CHRM3: variants seen among roughly 807,000 people sequenced by gnomAD.
CHRM3 encodes the protein muscarinic acetylcholine receptor M3.
CHRM3 carries 11 observed loss-of-function variants against 41.8 expected under a neutral mutation model. The ratio of observed to expected loss-of-function variants is 0.26; its 90% CI spans 0.17 to 0.44. The LOEUF is 0.44. CHRM3 is among the 20% of genes least tolerant of loss of function. CHRM3 has a pLI of 1.00. For missense variants in CHRM3, 571 were observed against 745.4 expected, an observed-to-expected ratio of 0.77 and a Z score of 2.72; for synonymous variants, 297 against 301.4, an observed-to-expected ratio of 0.99 and a Z score of 0.15.
At chr1:239,448,464 A>G (rs1038372417) in intron 1 of CHRM3, among the ~76,000 whole-genome samples, 3 of 152,170 alleles carry the variant, frequency 2.0e-5, no homozygotes, top group African/African-American at 7.2e-5. Flanking sequence ...TTTCAGATTT[A>G]ATGAATTATT....
intron 1 of CHRM3, among the ~76,000 whole-genome samples, chr1:239,472,157 T>C (rs1666173401): frequency 6.6e-6 from 1 of 152,200 alleles, no homozygotes; most frequent in Admixed American, 6.5e-5. Flanking sequence ...GAAGATAGCT[T>C]GTTACATATC....
chr1:239,838,434 G>T, intron 6 of CHRM3, among the ~76,000 whole-genome samples: 1 of 152,100 alleles, frequency 6.6e-6, no homozygotes, highest in East Asian at 1.9e-4. Context: ...ATATATAGGT[G>T]TCTTGGTGGC....
rs1402103669 is a variant in CHRM3 at position 239,912,455 on chromosome 1, C to G, written c.*3231C>G. 1 of 167,122 alleles carries G rather than the reference C, an allele frequency of 6.0e-6. No homozygotes were observed. The highest frequency in any genetic ancestry group is 2.4e-5 in the African/African-American group (1 of 41,452). The allele number at this position is 167,122 out of a possible 1,614,324, so 10.4% of individuals were successfully genotyped here. ...GACGGAATGAAAACAAACAAGAAGC[C>G]TAAGCGTTAGACCCTGCTGTGGCTA... On this transcript the variant is annotated 3_prime_UTR_variant, in exon 7 of 7. Transcript: ENST00000676153.
chr1:239,494,966 A>G (rs1667788979), intron 2 of CHRM3, among the ~76,000 whole-genome samples: 1 of 152,134 alleles, frequency 6.6e-6, no homozygotes, highest in African/African-American at 2.4e-5. Flanking sequence ...TAAGAAAAAA[A>G]TGATATATTT....
chr1:239,411,947 TAGC>T (rs1661106171), intron 1 of CHRM3, among the ~76,000 whole-genome samples: 2 of 151,960 alleles, frequency 1.3e-5, no homozygotes, highest in South Asian at 4.1e-4. Flanking sequence ...TATTTCTAAA[TAGC>T]AGGCATAGAC....
intron 4 of CHRM3, among the ~76,000 whole-genome samples, chr1:239,654,981 T>G (rs1672586553): frequency 6.6e-6 from 1 of 152,302 alleles, no homozygotes; most frequent in South Asian, 2.1e-4. Context: ...AAAATAAAAA[T>G]AATTCATCTG....
chr1:239,812,817 G>A (rs1671219888), intron 5 of CHRM3, among the ~76,000 whole-genome samples: 1 of 152,176 alleles, frequency 6.6e-6, no homozygotes, highest in Non-Finnish European at 1.5e-5. Context: ...TACTGATGAG[G>A]CACAAGGCTC....
chr1:239,884,497 C>A (rs890199873), intron 6 of CHRM3, among the ~76,000 whole-genome samples: 2 of 152,158 alleles, frequency 1.3e-5, no homozygotes, highest in African/African-American at 4.8e-5. Context: ...TGTTTTAAAC[C>A]ATTCAGATTG....
intron 3 of CHRM3, among the ~76,000 whole-genome samples, chr1:239,630,165 GAT>G (rs1454458301): frequency 6.6e-6 from 1 of 152,118 alleles, no homozygotes. Flanking sequence ...ACAAGATATT[GAT>G]ATTAGTAGAC....
intron 3 of CHRM3, among the ~76,000 whole-genome samples, chr1:239,567,033 T>C (rs752733908): frequency 2.6e-5 from 4 of 152,224 alleles, no homozygotes; most frequent in Non-Finnish European, 4.4e-5. Context: ...GGAGCAATCA[T>C]AGATTTTATA....
chr1:239,591,381 C>T (rs919698114), intron 3 of CHRM3, among the ~76,000 whole-genome samples: 2 of 152,092 alleles, frequency 1.3e-5, no homozygotes, highest in African/African-American at 4.8e-5. Context: ...CATTTCCTGG[C>T]ACAGAGACAG....
chr1:239,856,690 T>C (rs1675152697), intron 6 of CHRM3, among the ~76,000 whole-genome samples: 1 of 152,026 alleles, frequency 6.6e-6, no homozygotes, highest in African/African-American at 2.4e-5. Flanking sequence ...TTACAGACCA[T>C]GAAAGGGAGG....
chr1:239,875,567 T>A (rs1677046162), intron 6 of CHRM3, among the ~76,000 whole-genome samples: 1 of 152,234 alleles, frequency 6.6e-6, no homozygotes, highest in Non-Finnish European at 1.5e-5. Flanking sequence ...CATAGCCAGA[T>A]TTGCTCCAAG....
At chr1:239,881,241 C>CA (rs1344555695) in intron 6 of CHRM3, among the ~76,000 whole-genome samples, 23 of 133,990 alleles carry the variant, frequency 1.7e-4, no homozygotes, top group Non-Finnish European at 2.5e-4. Context: ...CGAGATCCCG[C>CA]CCCTGCACTC....
intron 4 of CHRM3, among the ~76,000 whole-genome samples, chr1:239,664,099 T>G (rs1673525896): frequency 6.6e-6 from 1 of 152,232 alleles, no homozygotes; most frequent in Non-Finnish European, 1.5e-5. Context: ...AAATTCTATT[T>G]TAGTCTTTGT....
chr1:239,744,105 C>T (rs1161405632), intron 5 of CHRM3, among the ~76,000 whole-genome samples: 3 of 151,674 alleles, frequency 2.0e-5, no homozygotes, highest in Non-Finnish European at 4.4e-5. Flanking sequence ...CCACTGTGTC[C>T]AGCCAGTGAC....
At chr1:239,700,677 C>T (rs1660601621) in intron 5 of CHRM3, among the ~76,000 whole-genome samples, 1 of 152,126 alleles carries the variant, frequency 6.6e-6, no homozygotes, top group Non-Finnish European at 1.5e-5. Flanking sequence ...GCACCTGTAG[C>T]CCGCAGACTC....
intron 5 of CHRM3, among the ~76,000 whole-genome samples, chr1:239,799,039 AG>A (rs1670003950): frequency 6.6e-6 from 1 of 152,218 alleles, no homozygotes; most frequent in Non-Finnish European, 1.5e-5. Flanking sequence ...TTTCACAGAC[AG>A]GGTGAAGGGT....
chr1:239,413,103 A>AC (rs1661232822), intron 1 of CHRM3, among the ~76,000 whole-genome samples: 1 of 150,864 alleles, frequency 6.6e-6, no homozygotes, highest in Non-Finnish European at 1.5e-5. Flanking sequence ...AATGAAAAAA[A>AC]AAAGATAAAT....
Sources: allele counts gnomAD v4.1 joint callset (sites outside exome capture counted in the v4.1 genomes callset), GRCh38; gene constraint gnomAD v4.1.1; transcripts MANE v1.5; gene names NCBI Gene and HGNC (gene_info 2026-07-23, HGNC 2026-07-21).